The following AUH variants were observed in gnomAD, a reference collection of about 807,000 sequenced individuals.
The protein encoded by AUH is methylglutaconyl-CoA hydratase, mitochondrial.
In AUH, 29 loss-of-function variants were observed where a neutral mutation model predicts 42.3. That is an observed-to-expected ratio of 0.69 (90% CI 0.51 to 0.93). The LOEUF (loss-of-function observed/expected upper bound fraction) is 0.93, where lower values mean the gene tolerates loss of function less well. Among genes scored for constraint, AUH ranks in the 40% least tolerant of loss-of-function variants. The pLI is 0.00. For missense variants in AUH, 452 were observed against 438.1 expected (o/e 1.03, Z -0.28); for synonymous variants, 174 against 166.4 (o/e 1.05, Z -0.35).
intron 3 of AUH, among the ~76,000 whole-genome samples, chr9:91,354,378 GATTAA>G (rs1190234151): frequency 6.6e-6 from 1 of 152,072 alleles, no homozygotes; most frequent in Non-Finnish European, 1.5e-5. Context: ...AAAGTAAATA[GATTAA>G]ATTAACTTGT....
At chr9:91,273,781 C>A (rs1298759192) in intron 6 of AUH, among the ~76,000 whole-genome samples, 1 of 152,186 alleles carries the variant, frequency 6.6e-6, no homozygotes, top group African/African-American at 2.4e-5. Flanking sequence ...AGTTCCAGAG[C>A]AATCACTGAC....
At chr9:91,284,017 C>T (rs1826196357) in intron 6 of AUH, among the ~76,000 whole-genome samples, 1 of 150,850 alleles carries the variant, frequency 6.6e-6, no homozygotes, top group Non-Finnish European at 1.5e-5. Flanking sequence ...CAATCCTAAG[C>T]CAAAAGAACA....
At chr9:91,331,581 G>A (rs1395974535) in intron 3 of AUH, among the ~76,000 whole-genome samples, 2 of 151,834 alleles carry the variant, frequency 1.3e-5, no homozygotes, top group African/African-American at 2.4e-5. Context: ...ATATATAGTT[G>A]GAAATGTATA....
chr9:91,290,466 T>G (rs1826775420), intron 6 of AUH, among the ~76,000 whole-genome samples: 1 of 152,156 alleles, frequency 6.6e-6, no homozygotes, highest in Non-Finnish European at 1.5e-5. Context: ...TGTAAGTACA[T>G]GGGAATATGT....
At chr9:91,231,375 C>T (rs989245744) in intron 6 of AUH, among the ~76,000 whole-genome samples, 1 of 152,230 alleles carries the variant, frequency 6.6e-6, no homozygotes, top group Non-Finnish European at 1.5e-5. Context: ...TGACCTCTTG[C>T]ACTTCCCAAG....
intron 6 of AUH, among the ~76,000 whole-genome samples, chr9:91,253,780 A>C (rs1028148114): frequency 2.0e-5 from 3 of 152,236 alleles, no homozygotes; most frequent in African/African-American, 7.2e-5. Flanking sequence ...AGATTAGTCT[A>C]TCAAGGTTAT....
chr9:91,267,346 G>C (rs1830028834), intron 6 of AUH, among the ~76,000 whole-genome samples: 1 of 152,170 alleles, frequency 6.6e-6, no homozygotes, highest in South Asian at 2.1e-4. Context: ...CACACAATTA[G>C]TTAATGGTTT....
intron 6 of AUH, among the ~76,000 whole-genome samples, chr9:91,266,802 C>T (rs1001692788): frequency 6.6e-6 from 1 of 152,158 alleles, no homozygotes; most frequent in Non-Finnish European, 1.5e-5. Flanking sequence ...GGAACAGGCT[C>T]AGGCAATCTT....
chr9:91,287,592 TA>T (rs766457587), intron 6 of AUH, among the ~76,000 whole-genome samples: 9 of 152,286 alleles, frequency 5.9e-5, no homozygotes, highest in Non-Finnish European at 1.3e-4. Flanking sequence ...TCTTTGTAAC[TA>T]TTCTGTAAAT....
At chr9:91,228,872 G>T (rs1157656051) in intron 6 of AUH, among the ~76,000 whole-genome samples, 4 of 152,220 alleles carry the variant, frequency 2.6e-5, no homozygotes, top group African/African-American at 9.7e-5. Context: ...TTTTGAGTGA[G>T]ATTCTTAATC....
chr9:91,265,146 G>A (rs79181627), intron 6 of AUH, among the ~76,000 whole-genome samples: 2,801 of 152,100 alleles, frequency 0.018, 32 homozygotes, highest in Non-Finnish European at 0.026. Context: ...AAAGATGTGT[G>A]TCTTTTCCAT....
Position 91,356,131 on chromosome 9 carries a change from C to T in AUH, c.287G>A (p.Arg96Lys). ...ACTGAGTGAATTTTTGCCATAAGCT[C>T]TGTTTATTCCAAGCACCACAATTCC... ...NRGIVVLGIN[R>K]AYGKNSLSKN... Residue 96 changes from arginine (R) to lysine (K), a missense_variant, in exon 2 of 10, where the codon AGA (arginine) becomes AAA (lysine). Arg to Lys is a conservative substitution (Grantham distance 26, BLOSUM62 2). Coordinates refer to ENST00000375731, the MANE Select transcript of AUH (RefSeq NM_001698.3). 1.2e-6 allele frequency: 2 copies of T among 1,613,622 alleles called. No individual in the cohort carries two copies. Among genetic ancestry groups the T allele is most frequent in the Non-Finnish European group, 1.7e-6 (2 of 1,179,778 alleles).
intron 6 of AUH, among the ~76,000 whole-genome samples, chr9:91,277,388 T>A (rs1052422573): frequency 1.3e-5 from 2 of 152,124 alleles, no homozygotes; most frequent in South Asian, 4.1e-4. Flanking sequence ...TGTAGTATTA[T>A]CAACATTTCA....
chr9:91,304,846 T>G (rs1440001758), intron 4 of AUH, among the ~76,000 whole-genome samples: 1 of 152,200 alleles, frequency 6.6e-6, no homozygotes, highest in East Asian at 1.9e-4. Context: ...TGGAGAGATA[T>G]AATTTAAAAC....
intron 4 of AUH, among the ~76,000 whole-genome samples, chr9:91,316,516 T>C (rs994584240): frequency 6.6e-6 from 1 of 152,234 alleles, no homozygotes; most frequent in African/African-American, 2.4e-5. Flanking sequence ...TCTTCCTGCC[T>C]GGTAATCCAC....
chr9:91,238,118 G>A (rs1186416714), intron 6 of AUH, among the ~76,000 whole-genome samples: 1 of 152,166 alleles, frequency 6.6e-6, no homozygotes, highest in East Asian at 1.9e-4. Context: ...TTTCTTGAAA[G>A]CTTAAAAGTC....
intron 4 of AUH, among the ~76,000 whole-genome samples, chr9:91,309,643 G>C (rs1484842794): frequency 6.6e-6 from 1 of 152,140 alleles, no homozygotes; most frequent in Admixed American, 6.5e-5. Flanking sequence ...GGAAATAACA[G>C]ACACTGGGGA....
chr9:91,335,311 A>G (rs1830616889), intron 3 of AUH, among the ~76,000 whole-genome samples: 1 of 148,770 alleles, frequency 6.7e-6, no homozygotes. Context: ...TTTATTTTCT[A>G]GTAATTTATC....
chr9:91,271,934 G>A (rs765942154), intron 6 of AUH, among the ~76,000 whole-genome samples: 32 of 152,104 alleles, frequency 2.1e-4, no homozygotes, highest in African/African-American at 2.7e-4. Flanking sequence ...CACCCGCCTC[G>A]GCCTCCCAAA....
Sources: gnomAD v4.1 joint callset for allele counts (sites outside exome capture counted in the v4.1 genomes callset) on GRCh38, gnomAD v4.1.1 for gene constraint, MANE v1.5 for transcripts, NCBI Gene and HGNC (gene_info 2026-07-23, HGNC 2026-07-21) for gene names.